Variants in FMNL3 observed in about 807,000 individuals in gnomAD.
FMNL3 encodes formin like 3.
Under a neutral mutation model 119.6 loss-of-function variants are expected in FMNL3, and 57 were observed. That is an observed-to-expected ratio of 0.48 (90% CI 0.39 to 0.59). The LOEUF (loss-of-function observed/expected upper bound fraction) is 0.59, where lower values mean the gene tolerates loss of function less well. Ranked by LOEUF, FMNL3 falls within the 20% of genes least tolerant of loss-of-function variation. The probability of loss-of-function intolerance (pLI) is 0.00; values close to 1 mark genes in which losing one functional copy is unlikely to be tolerated. For missense variants in FMNL3, 1,053 were observed against 1,323.5 expected (o/e 0.80, Z 3.17); for synonymous variants, 491 against 507.3 (o/e 0.97, Z 0.43).
At position 49,707,074 on chromosome 12, in the gene FMNL3, T is replaced by C; in HGVS notation, c.107A>G (p.Glu36Gly). 6.3e-7 allele frequency: 1 copy of C among 1,590,186 alleles called. No homozygotes were observed. The highest frequency in any genetic ancestry group is 8.5e-7 in the Non-Finnish European group (1 of 1,169,868). ...TCTCACCAGCACCAGGGCGAACCTT[T>C]CCTCCAGCTCACAGGGCTCAGGCAT... ...MPMPEPCELEERFALVLSSMN... is the reference protein window; with the variant it reads ...MPMPEPCELEGRFALVLSSMN... Residue 36 changes from glutamate (E) to glycine (G), a missense_variant, in exon 1 of 26, where the codon GAA (glutamate) becomes GGA (glycine). By Grantham distance (98) the Glu-to-Gly change is moderately conservative. Transcript: ENST00000335154.
intron 1 of FMNL3, among the ~76,000 whole-genome samples, chr12:49,682,095 G>C (rs1461986543): frequency 1.4e-5 from 2 of 142,070 alleles, no homozygotes; most frequent in Non-Finnish European, 3.1e-5. Context: ...TTTTGAGACA[G>C]AGTCTCACTC....
At position 49,644,168 on chromosome 12, in the gene FMNL3, A is replaced by C. The variant is rs1462629114; in HGVS notation, c.*1647T>G. The C allele has an allele frequency of 1.9e-6, 3 of 1,613,984 alleles. No homozygotes were observed. The highest frequency in any genetic ancestry group is 2.5e-6 in the Non-Finnish European group (3 of 1,180,036). On this transcript the variant is annotated 3_prime_UTR_variant, in exon 26 of 26. Coordinates refer to ENST00000335154, the MANE Select transcript of FMNL3 (RefSeq NM_175736.5). Reference sequence around the variant, plus strand: ...TGGAGAGGCGGCGGCGGACACTCCTACAGCAGCTGGATGATCACCAGTGAC... The same window carrying C: ...TGGAGAGGCGGCGGCGGACACTCCTCCAGCAGCTGGATGATCACCAGTGAC...
rs1942768706 is a variant in FMNL3, at chr12:49,642,211, G to A, written c.*3604C>T. 1.9e-6 allele frequency: 3 copies of A among 1,613,974 alleles called. No individual in the cohort carries two copies. The highest frequency in any genetic ancestry group is 1.7e-6 in the Non-Finnish European group (2 of 1,180,002). ...GGCATCCACCCTCCTGGGTGACCCT[G>A]TTCCGTGTCCCTTCTTTCCTCAGCT... On this transcript the variant is annotated 3_prime_UTR_variant, in exon 26 of 26. Coordinates refer to ENST00000335154, the MANE Select transcript of FMNL3 (RefSeq NM_175736.5). This position sits in a 1 kb window ranked among gnomAD's most constrained non-coding sequence, Gnocchi z 5.8.
Position 49,644,146 on chromosome 12 carries a change from A to G in FMNL3, c.*1669T>C. The G allele has an allele frequency of 2.5e-6, 4 of 1,614,136 alleles. No homozygotes were observed. The highest frequency in any genetic ancestry group is 1.3e-5 in the African/African-American group (1 of 75,048). ...AGTGAGCTGAGTGAGGGTGAGCTGG[A>G]GAGGCGGCGGCGGACACTCCTACAG... On this transcript the variant is annotated 3_prime_UTR_variant, in exon 26 of 26. Transcript: ENST00000335154.
intron 21 of FMNL3, 34 bp from the exon 22 acceptor site, chr12:49,648,387 G>C: frequency 6.3e-7 from 1 of 1,589,954 alleles, no homozygotes; most frequent in Non-Finnish European, 8.6e-7. Flanking sequence ...GGAATGCCTA[G>C]GGCCTGGCAT....
rs1945074162 is a variant in FMNL3 at position 49,707,186 on chromosome 12, CG to C, written c.-7del. On this transcript the variant is annotated 5_prime_UTR_variant, in exon 1 of 26. Coordinates refer to ENST00000335154, the MANE Select transcript of FMNL3 (RefSeq NM_175736.5). ...GCGCTCTCCAGGTTGCCCATCGCGG[CG>C]GGGCCCCCTCAGGGGCCTCGGCCCC... The C allele has an allele frequency of 1.9e-6, 3 of 1,541,194 alleles. No homozygotes were observed. The highest frequency in any genetic ancestry group is 2.8e-5 in the African/African-American group (2 of 71,244).
intron 1 of FMNL3, among the ~76,000 whole-genome samples, chr12:49,690,502 A>T (rs1243040786): frequency 1.3e-5 from 2 of 152,206 alleles, no homozygotes; most frequent in Non-Finnish European, 2.9e-5. Context: ...AGGAATTCTT[A>T]GATTTTTCAC....
chr12:49,636,902 C>T lies in FMNL3; in HGVS notation c.*8913G>A. On this transcript the variant is annotated 3_prime_UTR_variant, in exon 26 of 26. Coordinates refer to ENST00000335154, the MANE Select transcript of FMNL3 (RefSeq NM_175736.5). ...AGCTCAGCTCTGCCCTAGAGCACAACCTCTTCACCCATTCCCTGCCCCCTT... is the reference window on the plus strand; with the variant it reads ...AGCTCAGCTCTGCCCTAGAGCACAATCTCTTCACCCATTCCCTGCCCCCTT... 1 of 1,608,704 alleles carries T rather than the reference C, an allele frequency of 6.2e-7. No individual in the cohort carries two copies. The highest frequency in any genetic ancestry group is 1.3e-5 in the African/African-American group (1 of 74,910).
At chr12:49,663,690 C>T (rs1458165952) in intron 4 of FMNL3, among the ~76,000 whole-genome samples, 6 of 152,370 alleles carry the variant, frequency 3.9e-5, no homozygotes, top group East Asian at 1.9e-4. Context: ...CTGGGAACCA[C>T]GCTGCTTTGG....
At chr12:49,706,643 G>C (rs1013509597) in intron 1 of FMNL3, among the ~76,000 whole-genome samples, 1 of 152,286 alleles carries the variant, frequency 6.6e-6, no homozygotes. Flanking sequence ...CCCCACTCAG[G>C]GAAGCCTGCT....
Position 49,649,110 on chromosome 12 carries a change from T to C in FMNL3, c.2434A>G (p.Ile812Val). ...TATTTCTCCTTCACTGTCAAGGCGA[T>C]GAAATGAAGCAGTGTCATCTTCCGG... The part of the protein sequence containing the change: ...TDRKMTLLHF[I>V]ALTVKEKYPD... Residue 812 changes from isoleucine (I) to valine (V), a missense_variant, in exon 21 of 26, where the codon ATC becomes GTC. By Grantham distance (29) the Ile-to-Val change is conservative. Around this residue, in one of 4 missense-constraint regions of FMNL3, gnomAD observed 324 missense variants for 380.9 expected, o/e 0.85. Transcript: ENST00000335154. This position sits in a 1 kb window ranked among gnomAD's most constrained non-coding sequence, Gnocchi z 5.6. 1.2e-6 allele frequency: 2 copies of C among 1,613,834 alleles called. No individual in the cohort carries two copies. Among genetic ancestry groups the C allele is most frequent in the Non-Finnish European group, 1.7e-6 (2 of 1,179,814 alleles).
chr12:49,658,317 G>C (rs1943633407), intron 6 of FMNL3, 125 bp downstream of exon 6: 1 of 1,343,948 alleles, frequency 7.4e-7, no homozygotes, highest in African/African-American at 1.5e-5. Flanking sequence ...CTGGCAGGCA[G>C]AGGGCAAGAG....
At chr12:49,648,079 C>T (rs570342144) in intron 22 of FMNL3, 114 bp downstream of exon 22, 3 of 1,330,852 alleles carry the variant, frequency 2.3e-6, no homozygotes, top group East Asian at 5.0e-5. Flanking sequence ...CTCTCCCCTA[C>T]ATGTAGCCAG....
In FMNL3 at chr12:49,690,382, CCTT is replaced by C. The variant is rs551693095; in HGVS notation, c.126+16670_126+16672del. 4.0e-5 allele frequency among the ~76,000 whole-genome samples: 6 copies of C among 151,866 alleles called. No homozygotes were observed. The East Asian group carries it at 1.2e-3, about 29-fold the overall frequency. On this transcript the variant is annotated intron_variant, in intron 1 of 25. Transcript: ENST00000335154. The stretch of plus-strand genomic sequence containing the variant: ...AGACCCAAGACTTCCCAACCTAAAG[CCTT>C]CTTTGTTACACTCTCTCTTAACAAC...
Position 49,642,950 on chromosome 12 carries a change from C to T in FMNL3, c.*2865G>A, listed in dbSNP as rs775141708. 6.2e-7 allele frequency: 1 copy of T among 1,613,704 alleles called. No individual in the cohort carries two copies. On this transcript the variant is annotated 3_prime_UTR_variant, in exon 26 of 26. Transcript: ENST00000335154. The surrounding 1 kb of genome is among the most constrained non-coding windows in gnomAD (Gnocchi z 5.8). ...AGCAGACTGAATGCCAGCACCTCCA[C>T]ACCAAAGGCCGAAAGCATGGCAGGA...
At chr12:49,652,316 T>G in intron 13 of FMNL3, 104 bp from the exon 14 acceptor site, 1 of 1,463,784 alleles carries the variant, frequency 6.8e-7, no homozygotes, top group African/African-American at 1.4e-5. Flanking sequence ...AGGGTCTCTG[T>G]CAGGGTACTC....
At chr12:49,648,505 G>T in intron 21 of FMNL3, 152 bp from the exon 22 acceptor site, 1 of 774,850 alleles carries the variant, frequency 1.3e-6, no homozygotes, top group Non-Finnish European at 1.9e-6. Context: ...CACCAAGCTA[G>T]CTGATCCCTC....
chr12:49,642,510 G>A lies in FMNL3; in HGVS notation c.*3305C>T. ...CCTTTCTCTGCCCCAGCCCTGCCCT[G>A]TGCTCATGGCGGTGTCCAGGCCAGG... On this transcript the variant is annotated 3_prime_UTR_variant, in exon 26 of 26. Transcript: ENST00000335154. The surrounding 1 kb of genome is among the most constrained non-coding windows in gnomAD (Gnocchi z 5.8). The A allele has an allele frequency of 6.9e-6, 11 of 1,590,120 alleles. No homozygotes were observed. Among genetic ancestry groups the A allele is most frequent in the Non-Finnish European group, 9.5e-6 (11 of 1,159,446 alleles).
Position 49,649,158 on chromosome 12 carries a change from G to A in FMNL3, c.2386C>T (p.Leu796=). The A allele has an allele frequency of 6.2e-7, 1 of 1,612,642 alleles. No homozygotes were observed. The highest frequency in any genetic ancestry group is 2.2e-5 in the East Asian group (1 of 44,884). ...CGGTCAGTGGACTTGGTATCCAGCA[G>A]CTAGGAGAGGGGGTGAGGGCGGTGC... ...YGFKLQSLDL[L]LDTKSTDRKM... The change falls in exon 21 of 26, where the codon CTG becomes TTG. Residue 796 remains leucine, a splice_region_variant and synonymous_variant. Transcript: ENST00000335154. The surrounding 1 kb of genome is among the most constrained non-coding windows in gnomAD (Gnocchi z 5.6).
Sources: gnomAD v4.1 joint callset for allele counts (sites outside exome capture counted in the v4.1 genomes callset) on GRCh38, gnomAD v4.1.1 for gene constraint, gnomAD v4.1.1 regional missense constraint, Gnocchi (gnomAD v3.1) non-coding constraint, MANE v1.5 for transcripts, NCBI Gene and HGNC (gene_info 2026-07-23, HGNC 2026-07-21) for gene names.